Variants in DLGAP4 observed in about 807,000 individuals in gnomAD.
DLGAP4 encodes DLG associated protein 4.
A neutral mutation model predicts 86.9 loss-of-function variants in DLGAP4; 18 were observed. That is an observed-to-expected ratio of 0.21 (90% confidence interval 0.14 to 0.31). The LOEUF (loss-of-function observed/expected upper bound fraction) is 0.31, where lower values mean the gene tolerates loss of function less well. Among genes scored for constraint, DLGAP4 ranks in the 10% least tolerant of loss-of-function variants. The probability of loss-of-function intolerance (pLI) is 1.00; values close to 1 mark genes in which losing one functional copy is unlikely to be tolerated. For synonymous variants in DLGAP4, 548 were observed against 574.3 expected (o/e 0.95, Z 0.65); for missense variants, 1,085 against 1,362.6 (o/e 0.80, Z 3.21).
intron 6 of DLGAP4, among the ~76,000 whole-genome samples, chr20:36,444,423 A>G (rs1342801036): frequency 2.0e-5 from 3 of 151,878 alleles, no homozygotes; most frequent in Admixed American, 6.6e-5. Context: ...AGCTGGGACT[A>G]CAGGCACGCA....
rs1004426289 is a variant in DLGAP4, at chr20:36,308,061, G to T, written c.-304+1549G>T. On this transcript the variant is annotated intron_variant, in intron 1 of 12. Coordinates refer to ENST00000339266, the MANE Select transcript of DLGAP4 (RefSeq NM_001365621.2). This position sits in a 1 kb window ranked among gnomAD's most constrained non-coding sequence, Gnocchi z 4.5. ...CCAGGCCCTAGAGCCGGCTGTCGGG[G>T]CCAGTCAGCAGCAGACTCCGAGTGT... Among the ~76,000 whole-genome samples the T allele has an allele frequency of 6.6e-6, 1 of 152,244 alleles. No individual in the cohort carries two copies. The highest frequency in any genetic ancestry group is 2.4e-5 in the African/African-American group (1 of 41,464).
At position 36,527,254 on chromosome 20, in the gene DLGAP4, G is replaced by GAAAC. The variant is rs1044616861; in HGVS notation, c.*224_*227dup. ...CACAAAAAAAATCAACAAAAATCACGAAACTAGAAAACTTTTTTTTTCCTC... is the reference window on the plus strand; with the variant it reads ...CACAAAAAAAATCAACAAAAATCACGAAACAAACTAGAAAACTTTTTTTTTCCTC... On this transcript the variant is annotated 3_prime_UTR_variant, in exon 13 of 13. Coordinates refer to ENST00000339266, the MANE Select transcript of DLGAP4 (RefSeq NM_001365621.2). The GAAAC allele has an allele frequency of 4.3e-6, 2 of 464,716 alleles. No individual in the cohort carries two copies. Among genetic ancestry groups the GAAAC allele is most frequent in the African/African-American group, 4.0e-5 (2 of 50,596 alleles). 28.8% of individuals were successfully genotyped at this position (464,716 alleles called of 1,614,324 possible). A position where few individuals can be genotyped will look rare whatever the true frequency, so the allele number is the denominator to read the frequency against.
chr20:36,364,076 TTTTTG>T (rs373720701), intron 1 of DLGAP4, among the ~76,000 whole-genome samples: 33 of 152,268 alleles, frequency 2.2e-4, no homozygotes, highest in Admixed American at 1.8e-3. Context: ...TTGCAGAATC[TTTTTG>T]TTTTGTTTTG....
At chr20:36,405,038 C>T (rs980813841) in intron 2 of DLGAP4, among the ~76,000 whole-genome samples, 1 of 152,290 alleles carries the variant, frequency 6.6e-6, no homozygotes, top group East Asian at 1.9e-4. Context: ...GCAGAGGAAA[C>T]GCACAAATAG....
At chr20:36,369,050 G>A (rs925367394) in intron 2 of DLGAP4, among the ~76,000 whole-genome samples, 2 of 152,210 alleles carry the variant, frequency 1.3e-5, no homozygotes, top group African/African-American at 4.8e-5. Flanking sequence ...CTTGGCACGA[G>A]CTGGGTGAGC....
chr20:36,377,548 G>A (rs527386626), intron 2 of DLGAP4, among the ~76,000 whole-genome samples: 9 of 152,210 alleles, frequency 5.9e-5, no homozygotes, highest in Non-Finnish European at 1.2e-4. Flanking sequence ...ATTCCTGGGC[G>A]TGTCACTTCC....
intron 7 of DLGAP4, chr20:36,462,562 G>A (rs1346016408): frequency 3.1e-6 from 5 of 1,600,288 alleles, no homozygotes; most frequent in Non-Finnish European, 3.4e-6. Flanking sequence ...ACCCCCATCC[G>A]GCCCTCATGG....
intron 7 of DLGAP4, among the ~76,000 whole-genome samples, chr20:36,458,427 A>G (rs570744142): frequency 1.5e-5 from 2 of 129,712 alleles, no homozygotes; most frequent in African/African-American, 6.0e-5. Flanking sequence ...GGGTTTCACC[A>G]TGTTGGTCAG....
At chr20:36,390,072 G>GA (rs1270428156) in intron 2 of DLGAP4, among the ~76,000 whole-genome samples, 1 of 152,236 alleles carries the variant, frequency 6.6e-6, no homozygotes, top group Admixed American at 6.5e-5. Flanking sequence ...GCTCCAGGCT[G>GA]AAATAGGGGC....
rs531633602 is a variant in DLGAP4, at chr20:36,434,026, C to T, written c.999+1310C>T. Reference sequence around the variant, plus strand: ...TGGCAGGATCCTGGCTCACTGCAACCTCCGCCTCCTGGGTTCCAGTGATTC... The same window carrying T: ...TGGCAGGATCCTGGCTCACTGCAACTTCCGCCTCCTGGGTTCCAGTGATTC... On this transcript the variant is annotated intron_variant, in intron 3 of 12. Transcript: ENST00000339266. 4.0e-5 allele frequency among the ~76,000 whole-genome samples: 6 copies of T among 150,798 alleles called. No homozygotes were observed. The East Asian group carries it at 1.2e-3, about 29-fold the overall frequency.
At chr20:36,423,868 G>A (rs918734795) in intron 2 of DLGAP4, among the ~76,000 whole-genome samples, 19 of 151,970 alleles carry the variant, frequency 1.3e-4, no homozygotes, top group African/African-American at 4.3e-4. Context: ...GCTGAGGCGG[G>A]AGAATTGCTT....
chr20:36,404,683 A>G (rs561494596), intron 2 of DLGAP4, among the ~76,000 whole-genome samples: 17 of 152,320 alleles, frequency 1.1e-4, no homozygotes, highest in African/African-American at 3.6e-4. Context: ...AGTCTTCCCC[A>G]CAAGACAGCT....
Position 36,431,825 on chromosome 20 carries a change from C to T in DLGAP4, c.108C>T (p.Pro36=), listed in dbSNP as rs771034907. ...ACCGCAACCCCTACCTGCTGTCGCC[C>T]ACGGAGGCCTTCGCCCGCGAGGCCC... ...GTDRNPYLLS[P]TEAFAREARF... The change falls in exon 3 of 13, where the codon CCC becomes CCT. Residue 36 remains proline (P), a synonymous_variant. Coordinates refer to ENST00000339266, the MANE Select transcript of DLGAP4 (RefSeq NM_001365621.2). This position sits in a 1 kb window ranked among gnomAD's most constrained non-coding sequence, Gnocchi z 5.1. 7 of 1,613,936 alleles carry T rather than the reference C, an allele frequency of 4.3e-6. No homozygotes were observed. The highest frequency in any genetic ancestry group is 5.1e-6 in the Non-Finnish European group (6 of 1,179,950).
At chr20:36,526,211 CAT>C in intron 12 of DLGAP4, 1 of 697,418 alleles carries the variant, frequency 1.4e-6, no homozygotes, top group South Asian at 1.7e-5. Context: ...GCCCCTGAAG[CAT>C]GTGTCCTGCC....
chr20:36,307,242 G>A (rs1257914298), intron 1 of DLGAP4, among the ~76,000 whole-genome samples: 1 of 152,226 alleles, frequency 6.6e-6, no homozygotes, highest in Non-Finnish European at 1.5e-5. Context: ...GCGCCCCGCG[G>A]AGACAGGGGT....
chr20:36,417,093 T>C (rs912204699), intron 2 of DLGAP4, among the ~76,000 whole-genome samples: 16 of 152,108 alleles, frequency 1.1e-4, no homozygotes, highest in African/African-American at 3.9e-4. Flanking sequence ...GAGACCCTGG[T>C]CAGGTTTGGA....
chr20:36,493,421 G>A (rs1346459643), intron 7 of DLGAP4, among the ~76,000 whole-genome samples: 1 of 152,234 alleles, frequency 6.6e-6, no homozygotes, highest in African/African-American at 2.4e-5. Context: ...GTCAGGGGCT[G>A]TGTGAATGCA....
At chr20:36,331,907 T>A (rs1392638202) in intron 1 of DLGAP4, among the ~76,000 whole-genome samples, 1 of 149,616 alleles carries the variant, frequency 6.7e-6, no homozygotes, top group Admixed American at 6.7e-5. Flanking sequence ...CGGGTGGGGG[T>A]TCCAGGCAGG....
chr20:36,503,549 G>A (rs547089778), intron 10 of DLGAP4, among the ~76,000 whole-genome samples: 1 of 144,568 alleles, frequency 6.9e-6, no homozygotes, highest in East Asian at 2.0e-4. Context: ...GTGCAGTGGC[G>A]CGATCTTGGC....
Sources: gnomAD v4.1 joint callset for allele counts (sites outside exome capture counted in the v4.1 genomes callset) on GRCh38, gnomAD v4.1.1 for gene constraint, Gnocchi (gnomAD v3.1) non-coding constraint, MANE v1.5 for transcripts, NCBI Gene and HGNC (gene_info 2026-07-23, HGNC 2026-07-21) for gene names.